CMSS1: variants seen among roughly 807,000 people sequenced by gnomAD.
CMSS1 encodes the protein cms1 ribosomal small subunit homolog, also known as protein CMSS1.
CMSS1 carries 33 observed loss-of-function variants against 43.5 expected under a neutral mutation model. The observed-to-expected ratio is 0.76, with a 90% confidence interval of 0.57 to 1.01. CMSS1 has a LOEUF of 1.01. CMSS1 is among the 50% of genes least tolerant of loss of function. The pLI, the probability that CMSS1 is intolerant of heterozygous loss-of-function variation, is 0.00. For synonymous variants in CMSS1, 115 were observed against 117.2 expected (o/e 0.98, Z 0.12); for missense variants, 313 against 326.4 (o/e 0.96, Z 0.32).
intron 1 of CMSS1, among the ~76,000 whole-genome samples, chr3:99,856,573 C>T (rs779165885): frequency 6.6e-6 from 1 of 152,350 alleles, no homozygotes; most frequent in East Asian, 1.9e-4. Flanking sequence ...TATCTTATTA[C>T]AGCTTTCCGT....
chr3:99,971,827 T>G (rs910078122), intron 1 of CMSS1, among the ~76,000 whole-genome samples: 1 of 152,166 alleles, frequency 6.6e-6, no homozygotes, highest in Non-Finnish European at 1.5e-5. Flanking sequence ...AATGAATGAA[T>G]GAATAATGAC....
intron 1 of CMSS1, among the ~76,000 whole-genome samples, chr3:100,139,962 T>C (rs1158750886): frequency 6.6e-6 from 1 of 152,138 alleles, no homozygotes; most frequent in Non-Finnish European, 1.5e-5. Flanking sequence ...ACCCAACACC[T>C]ACTTACCCTA....
intron 1 of CMSS1, among the ~76,000 whole-genome samples, chr3:99,984,991 G>A (rs1449784921): frequency 2.0e-5 from 3 of 152,138 alleles, no homozygotes; most frequent in Non-Finnish European, 2.9e-5. Flanking sequence ...GAGATAACTC[G>A]TGTTAAAAAT....
At chr3:100,115,557 T>TTCTCTCTC (rs1444990340) in intron 1 of CMSS1, among the ~76,000 whole-genome samples, 1 of 75,190 alleles carries the variant, frequency 1.3e-5, no homozygotes, top group African/African-American at 4.6e-5. Context: ...CTCTTTCTCT[T>TTCTCTCTC]TCTCTCTCTC....
chr3:99,834,457 C>T (rs977141440), intron 1 of CMSS1, among the ~76,000 whole-genome samples: 2 of 152,196 alleles, frequency 1.3e-5, no homozygotes, highest in South Asian at 2.1e-4. Flanking sequence ...GCAGTGGGGG[C>T]AATCCAAGAA....
intron 1 of CMSS1, among the ~76,000 whole-genome samples, chr3:100,058,425 T>C (rs987208217): frequency 2.0e-5 from 3 of 152,198 alleles, no homozygotes; most frequent in African/African-American, 4.8e-5. Flanking sequence ...CAGAGAAAAG[T>C]TGACACATAG....
intron 1 of CMSS1, among the ~76,000 whole-genome samples, chr3:100,071,304 A>T (rs1017685060): frequency 1.3e-5 from 2 of 152,168 alleles, no homozygotes; most frequent in Admixed American, 1.3e-4. Context: ...AGAAACTTGT[A>T]CATCAAGAAG....
At chr3:100,159,809 G>A in intron 2 of CMSS1, 2 of 436,198 alleles carry the variant, frequency 4.6e-6, no homozygotes, top group South Asian at 3.3e-5. Context: ...AGGCAAAACA[G>A]ATTACTCTAG....
chr3:99,823,770 A>G (rs924616468), intron 1 of CMSS1, among the ~76,000 whole-genome samples: 2 of 152,032 alleles, frequency 1.3e-5, no homozygotes, highest in African/African-American at 4.8e-5. Flanking sequence ...CAGGTCTTCT[A>G]CTATTTACTC....
At position 99,910,157 on chromosome 3, in the gene CMSS1, C is replaced by T. The variant is rs1027975959; in HGVS notation, c.64+92114C>T. Among the ~76,000 whole-genome samples, 11 of 136,364 alleles carry T rather than the reference C, an allele frequency of 8.1e-5. 2 individuals are homozygous for T. The highest frequency in any genetic ancestry group is 2.8e-4 in the African/African-American group (11 of 39,906). The allele number at this position is 136,364 out of a possible 152,430, so 89.5% of individuals were successfully genotyped here. A position where few individuals can be genotyped will look rare whatever the true frequency, so the allele number is the denominator to read the frequency against. ...AGTTGGTTTATACGTAATTTCTATT[C>T]TTTGACTTACAAGAACTTAAATCTT... On this transcript the variant is annotated intron_variant, in intron 1 of 9. Transcript: ENST00000421999.
intron 4 of CMSS1, among the ~76,000 whole-genome samples, chr3:100,165,576 C>T (rs1170967015): frequency 6.6e-6 from 1 of 152,042 alleles, no homozygotes; most frequent in Non-Finnish European, 1.5e-5. Context: ...TAATTTTATG[C>T]ATATCTAGTT....
Position 99,897,952 on chromosome 3 carries a change from C to G in CMSS1, c.64+79909C>G, listed in dbSNP as rs375239151. ...CTCGTCACCATGAATAATTGAGAAC[C>G]AACTCTATTAAGAAAAGATATCCTA... On this transcript the variant is annotated intron_variant, in intron 1 of 9. Transcript: ENST00000421999. 6.2e-4 allele frequency among the ~76,000 whole-genome samples: 95 copies of G among 152,250 alleles called. 1 individual carries two copies. The South Asian group carries it at 0.019, about 31-fold the overall frequency.
At chr3:100,106,970 A>C (rs1426785056) in intron 1 of CMSS1, among the ~76,000 whole-genome samples, 1 of 152,212 alleles carries the variant, frequency 6.6e-6, no homozygotes, top group Non-Finnish European at 1.5e-5. Context: ...TACAGTGGTG[A>C]CTGGCATTTT....
At position 100,050,498 on chromosome 3, in the gene CMSS1, A is replaced by C. The variant is rs115052516; in HGVS notation, c.65-96475A>C. 3.1e-3 allele frequency among the ~76,000 whole-genome samples: 470 copies of C among 152,238 alleles called. 4 individuals carry two copies. Among genetic ancestry groups the C allele is most frequent in the African/African-American group, 0.011 (444 of 41,542 alleles). On this transcript the variant is annotated intron_variant, in intron 1 of 9. Transcript: ENST00000421999. ...AGTCATTTTCTGTTTTTTTAGAGGC[A>C]TCTCTGTAAATTCCCACAATTTGTT...
chr3:100,152,943 C>CAA (rs2066933852), intron 2 of CMSS1, among the ~76,000 whole-genome samples: 1 of 152,202 alleles, frequency 6.6e-6, no homozygotes, highest in Admixed American at 6.5e-5. Flanking sequence ...TGACACATTT[C>CAA]AGAGTAGTTT....
chr3:99,866,623 G>T (rs568672321), intron 1 of CMSS1, among the ~76,000 whole-genome samples: 1 of 152,304 alleles, frequency 6.6e-6, no homozygotes, highest in East Asian at 1.9e-4. Flanking sequence ...GTACTTAGAG[G>T]TTCAGGCAGT....
chr3:99,985,677 C>T (rs1709318467), intron 1 of CMSS1, among the ~76,000 whole-genome samples: 1 of 151,792 alleles, frequency 6.6e-6, no homozygotes, highest in Non-Finnish European at 1.5e-5. Context: ...CAACCTCCGT[C>T]TCCTGGGTTC....
chr3:100,028,437 T>C (rs1250419011), intron 1 of CMSS1, among the ~76,000 whole-genome samples: 12 of 152,190 alleles, frequency 7.9e-5, no homozygotes, highest in African/African-American at 1.2e-4. Flanking sequence ...GCCTTTCTGC[T>C]AAGGTGGTTT....
chr3:100,054,419 A>G (rs2065425656), intron 1 of CMSS1, among the ~76,000 whole-genome samples: 1 of 152,164 alleles, frequency 6.6e-6, no homozygotes, highest in South Asian at 2.1e-4. Flanking sequence ...TGTCCCGTCA[A>G]GTGGAGCACG....
Sources: allele counts gnomAD v4.1 joint callset (sites outside exome capture counted in the v4.1 genomes callset), GRCh38; gene constraint gnomAD v4.1.1; transcripts MANE v1.5; gene names NCBI Gene and HGNC (gene_info 2026-07-23, HGNC 2026-07-21).